The following MCTP1 variants were observed in gnomAD, a reference collection of about 807,000 sequenced individuals.
The protein encoded by MCTP1 is multiple C2 and transmembrane domain containing 1.
A neutral mutation model predicts 120.6 loss-of-function variants in MCTP1; 69 were observed. The observed-to-expected ratio is 0.57, with a 90% CI of 0.47 to 0.70. The LOEUF is 0.70. Among genes scored for constraint, MCTP1 ranks in the 30% least tolerant of loss-of-function variants. The probability of loss-of-function intolerance (pLI) is 0.00; values close to 1 mark genes in which losing one functional copy is unlikely to be tolerated. For synonymous variants in MCTP1, 529 were observed against 493.1 expected (o/e 1.07, Z -0.96); for missense variants, 1,203 against 1,248.8 (o/e 0.96, Z 0.55).
rs1410204032 is a variant in MCTP1, at chr5:95,285,040, G to T, written c.-465C>A. On this transcript the variant is annotated 5_prime_UTR_variant, in exon 1 of 23. Coordinates refer to ENST00000515393, the MANE Select transcript of MCTP1 (RefSeq NM_024717.7). ...CTCTGGGCAGCACCTGTCAGCGGCG[G>T]GGGCGGCTGCCTCCAAATTGGGCGC... 1.3e-5 allele frequency among the ~76,000 whole-genome samples: 2 copies of T among 152,184 alleles called. No homozygotes were observed. Among genetic ancestry groups the T allele is most frequent in the African/African-American group, 2.4e-5 (1 of 41,454 alleles).
In MCTP1 at chr5:94,871,461, G is replaced by C. The variant is rs780831093; in HGVS notation, c.2037-44C>G. 6.0e-6 allele frequency: 8 copies of C among 1,341,060 alleles called. No individual in the cohort carries two copies. In the South Asian group the frequency reaches 9.5e-5, roughly 16 times the overall value. 83.1% of individuals were successfully genotyped at this position (1,341,060 alleles called of 1,614,324 possible). A position where few individuals can be genotyped will look rare whatever the true frequency, so the allele number is the denominator to read the frequency against. ...TAAGAAAAAAAGATTTCATCAGTAG[G>C]AAACAACAACAAGAATAGTTTTGAA... On this transcript the variant is annotated intron_variant, in intron 13 of 22. Transcript: ENST00000515393.
At chr5:95,012,418 C>G (rs72777374) in intron 2 of MCTP1, among the ~76,000 whole-genome samples, 23,844 of 151,962 alleles carry the variant, frequency 0.16, 2,111 homozygotes, top group African/African-American at 0.23. Flanking sequence ...TTATAGTATA[C>G]GCATACCTCA....
chr5:94,748,995 T>C (rs2049632094), intron 19 of MCTP1, among the ~76,000 whole-genome samples: 1 of 152,238 alleles, frequency 6.6e-6, no homozygotes, highest in African/African-American at 2.4e-5. Flanking sequence ...TTTTGTTTTT[T>C]GATGCTTCTG....
intron 19 of MCTP1, among the ~76,000 whole-genome samples, chr5:94,769,901 C>T (rs1773675108): frequency 6.6e-6 from 1 of 152,178 alleles, no homozygotes; most frequent in Non-Finnish European, 1.5e-5. Context: ...GATGTCAACT[C>T]TACAGATATT....
intron 19 of MCTP1, among the ~76,000 whole-genome samples, chr5:94,736,138 C>G (rs889765188): frequency 2.6e-5 from 4 of 152,168 alleles, no homozygotes; most frequent in Admixed American, 1.3e-4. Flanking sequence ...CAATAAATGG[C>G]CACCTCAACC....
rs557141957 is a variant in MCTP1, at chr5:95,041,915, T to C, written c.721-24431A>G. ...TCTTTTATTGAAGCTTGTTTCCAAC[T>C]CCGCATCCTTCAACTGAATCTGCCC... On this transcript the variant is annotated intron_variant, in intron 1 of 22. Coordinates refer to ENST00000515393, the MANE Select transcript of MCTP1 (RefSeq NM_024717.7). Among the ~76,000 whole-genome samples, 13 of 152,308 alleles carry C rather than the reference T, an allele frequency of 8.5e-5. No individual in the cohort carries two copies. In the South Asian group the frequency reaches 2.5e-3, roughly 29 times the overall value.
chr5:95,104,867 C>T (rs1395342034), intron 1 of MCTP1, among the ~76,000 whole-genome samples: 1 of 152,168 alleles, frequency 6.6e-6, no homozygotes, highest in Non-Finnish European at 1.5e-5. Flanking sequence ...AGCCTTTCTC[C>T]TCAACTGCAC....
At chr5:95,051,926 T>C (rs1227158762) in intron 1 of MCTP1, among the ~76,000 whole-genome samples, 1 of 151,976 alleles carries the variant, frequency 6.6e-6, no homozygotes, top group African/African-American at 2.4e-5. Flanking sequence ...AAACTACCCA[T>C]CCAGTACTAT....
chr5:95,026,386 T>C (rs374845041), intron 1 of MCTP1, among the ~76,000 whole-genome samples: 57 of 152,080 alleles, frequency 3.7e-4, no homozygotes, highest in African/African-American at 1.2e-3. Context: ...ATTCTAGATC[T>C]TATTCATTCT....
At chr5:95,127,327 T>G (rs1758708960) in intron 1 of MCTP1, among the ~76,000 whole-genome samples, 1 of 152,054 alleles carries the variant, frequency 6.6e-6, no homozygotes, top group Non-Finnish European at 1.5e-5. Flanking sequence ...CAGAAAGTGC[T>G]CTTCAGTGGG....
chr5:94,785,616 AAC>A (rs1453552576), intron 18 of MCTP1, among the ~76,000 whole-genome samples: 3 of 152,124 alleles, frequency 2.0e-5, no homozygotes, highest in African/African-American at 4.8e-5. Flanking sequence ...ATACATTAAT[AAC>A]AGAGTACAAA....
intron 1 of MCTP1, among the ~76,000 whole-genome samples, chr5:95,097,090 T>C (rs1246593641): frequency 1.3e-5 from 2 of 152,144 alleles, no homozygotes; most frequent in Non-Finnish European, 2.9e-5. Flanking sequence ...GCAATGCCTA[T>C]TTGTATATAT....
intron 22 of MCTP1, among the ~76,000 whole-genome samples, chr5:94,707,832 C>T (rs1755103989): frequency 6.6e-6 from 1 of 151,794 alleles, no homozygotes; most frequent in African/African-American, 2.4e-5. Context: ...GTAAAACCAT[C>T]TACATCAATT....
rs536599826 is a variant in MCTP1, at chr5:94,755,402, T to TC, written c.2610+23707dup. ...CCCAAGGTCCTTCCAACTCCTTAATTCCCACTTTCCTCTCTTTCCCCGCTT... is the reference window on the plus strand; with the variant it reads ...CCCAAGGTCCTTCCAACTCCTTAATTCCCCACTTTCCTCTCTTTCCCCGCTT... On this transcript the variant is annotated intron_variant, in intron 19 of 22. Transcript: ENST00000515393. Among the ~76,000 whole-genome samples, 51 of 152,176 alleles carry TC rather than the reference T, an allele frequency of 3.4e-4. 1 individual carries two copies. The South Asian group carries it at 0.011, about 32-fold the overall frequency.
In MCTP1 at chr5:95,128,784, T is replaced by C. The variant is rs556141597; in HGVS notation, c.721-111300A>G. 4.6e-5 allele frequency among the ~76,000 whole-genome samples: 7 copies of C among 152,312 alleles called. No individual in the cohort carries two copies. In the South Asian group the frequency reaches 1.0e-3, roughly 23 times the overall value. On this transcript the variant is annotated intron_variant, in intron 1 of 22. Transcript: ENST00000515393. Reference sequence around the variant, plus strand: ...CGATCAATGCACGACTCTGTGAATATACTAAAAGGCAAGAATTACATACTT... The same window carrying C: ...CGATCAATGCACGACTCTGTGAATACACTAAAAGGCAAGAATTACATACTT...
chr5:95,064,546 A>G (rs1181204889), intron 1 of MCTP1, among the ~76,000 whole-genome samples: 2 of 152,246 alleles, frequency 1.3e-5, no homozygotes, highest in African/African-American at 4.8e-5. Flanking sequence ...AAATGTCTAT[A>G]TAGTTACAAG....
chr5:95,240,519 T>C (rs1029562098), intron 1 of MCTP1, among the ~76,000 whole-genome samples: 9 of 152,228 alleles, frequency 5.9e-5, no homozygotes, highest in Admixed American at 5.2e-4. Context: ...CCTAAGCCCT[T>C]GACAGTAATT....
intron 2 of MCTP1, among the ~76,000 whole-genome samples, chr5:94,969,994 G>T (rs1826431931): frequency 1.3e-5 from 2 of 152,012 alleles, no homozygotes; most frequent in South Asian, 4.2e-4. Context: ...ATCACAGGTG[G>T]CTTCATATAA....
At chr5:94,806,823 T>A (rs1192870972) in intron 17 of MCTP1, among the ~76,000 whole-genome samples, 3 of 152,226 alleles carry the variant, frequency 2.0e-5, no homozygotes, top group Non-Finnish European at 2.9e-5. Context: ...GATGAGTATT[T>A]TTCTTTCTAA....
Sources: allele counts gnomAD v4.1 joint callset (sites outside exome capture counted in the v4.1 genomes callset), GRCh38; gene constraint gnomAD v4.1.1; transcripts MANE v1.5; gene names NCBI Gene and HGNC (gene_info 2026-07-23, HGNC 2026-07-21).